HLF: variants seen among roughly 807,000 people sequenced by gnomAD.
HLF encodes the protein HLF transcription factor, PAR bZIP family member.
A neutral mutation model predicts 22.6 loss-of-function variants in HLF; 3 were observed. The observed-to-expected ratio is 0.13, with a 90% CI of 0.06 to 0.34. HLF has a LOEUF of 0.34. Ranked by LOEUF, HLF falls within the 10% of genes least tolerant of loss-of-function variation. The pLI, the probability that HLF is intolerant of heterozygous loss-of-function variation, is 1.00. For missense variants in HLF, 299 were observed against 389.2 expected, an observed-to-expected ratio of 0.77 and a Z score of 1.95; for synonymous variants, 151 against 151.8, an observed-to-expected ratio of 0.99 and a Z score of 0.04.
At chr17:55,301,031 CT>C (rs771751423) in intron 2 of HLF, among the ~76,000 whole-genome samples, 72 of 152,384 alleles carry the variant, frequency 4.7e-4, no homozygotes, top group Non-Finnish European at 6.3e-4. Context: ...TTTGTTCCCT[CT>C]GCCTTGGTTA....
intron 2 of HLF, among the ~76,000 whole-genome samples, chr17:55,284,774 C>T (rs1213924938): frequency 6.6e-6 from 1 of 152,178 alleles, no homozygotes; most frequent in Non-Finnish European, 1.5e-5. Flanking sequence ...CTTTCAGCTC[C>T]TGCCCCCAAC....
intron 2 of HLF, among the ~76,000 whole-genome samples, chr17:55,274,745 C>G (rs927059048): frequency 2.0e-5 from 3 of 152,230 alleles, no homozygotes; most frequent in Non-Finnish European, 4.4e-5. Context: ...CCTCATAGGA[C>G]TGTTGAAGGT....
At chr17:55,267,656 A>G (rs2080805986) in intron 1 of HLF, 95 bp from the exon 2 acceptor site, 1 of 839,940 alleles carries the variant, frequency 1.2e-6, no homozygotes, top group Non-Finnish European at 1.8e-6. Flanking sequence ...TTCGTGAGAA[A>G]TAGTCTTATA....
chr17:55,315,600 T>A (rs983553333), intron 3 of HLF, among the ~76,000 whole-genome samples, 153 bp downstream of exon 3: 1 of 152,234 alleles, frequency 6.6e-6, no homozygotes, highest in African/African-American at 2.4e-5. Context: ...CTAGGCCAGT[T>A]GTTTCCTCTC....
At chr17:55,296,330 T>C (rs1184554925) in intron 2 of HLF, among the ~76,000 whole-genome samples, 1 of 152,218 alleles carries the variant, frequency 6.6e-6, no homozygotes, top group Non-Finnish European at 1.5e-5. Context: ...AATATACGAT[T>C]GTTGTAAAAT....
intron 2 of HLF, among the ~76,000 whole-genome samples, chr17:55,299,360 T>C (rs2081136817): frequency 6.6e-6 from 1 of 152,224 alleles, no homozygotes; most frequent in Non-Finnish European, 1.5e-5. Context: ...CTGTTGAGGC[T>C]ATCTCTACGG....
At chr17:55,267,523 A>T (rs567208963) in intron 1 of HLF, 1 of 483,630 alleles carries the variant, frequency 2.1e-6, no homozygotes, top group Admixed American at 3.8e-5. Context: ...CCCTGCCCCA[A>T]GGACTAGTGC....
intron 2 of HLF, among the ~76,000 whole-genome samples, chr17:55,279,213 A>T (rs1394958800): frequency 6.6e-6 from 1 of 152,236 alleles, no homozygotes; most frequent in African/African-American, 2.4e-5. Flanking sequence ...ACCCAAACAT[A>T]GTAGGCCAGA....
At chr17:55,312,070 G>T (rs1439545603) in intron 2 of HLF, among the ~76,000 whole-genome samples, 3 of 152,242 alleles carry the variant, frequency 2.0e-5, no homozygotes, top group Non-Finnish European at 4.4e-5. Context: ...ACCCACTAGA[G>T]ATGGCACCTA....
chr17:55,313,304 G>A (rs377342459), intron 2 of HLF, among the ~76,000 whole-genome samples: 1 of 152,062 alleles, frequency 6.6e-6, no homozygotes, highest in African/African-American at 2.4e-5. Flanking sequence ...GTCAGGTGGG[G>A]ATAAATGAAT....
At chr17:55,315,515 TGACCC>T in intron 3 of HLF, 68 bp downstream of exon 3, 2 of 1,184,018 alleles carry the variant, frequency 1.7e-6, no homozygotes, top group Non-Finnish European at 2.5e-6. Flanking sequence ...ATTAAAAGGG[TGACCC>T]CAGGATGATC....
intron 3 of HLF, among the ~76,000 whole-genome samples, chr17:55,318,647 C>T (rs921148993): frequency 1.3e-5 from 2 of 152,142 alleles, no homozygotes; most frequent in African/African-American, 4.8e-5. Flanking sequence ...CCCTTCGCCT[C>T]CTGGGCTCCT....
At chr17:55,286,444 G>A (rs2081004890) in intron 2 of HLF, among the ~76,000 whole-genome samples, 1 of 152,070 alleles carries the variant, frequency 6.6e-6, no homozygotes, top group South Asian at 2.1e-4. Context: ...AGAAAGAGGT[G>A]GTATAATTCA....
At chr17:55,285,527 C>G (rs1436153700) in intron 2 of HLF, among the ~76,000 whole-genome samples, 1 of 152,206 alleles carries the variant, frequency 6.6e-6, no homozygotes, top group Admixed American at 6.5e-5. Flanking sequence ...CCCTTTTCAG[C>G]CAGGGCCATG....
At chr17:55,280,763 C>T (rs2080946807) in intron 2 of HLF, among the ~76,000 whole-genome samples, 1 of 152,156 alleles carries the variant, frequency 6.6e-6, no homozygotes, top group Admixed American at 6.5e-5. Context: ...CTCTCAAATA[C>T]ATAATTCTTA....
intron 3 of HLF, among the ~76,000 whole-genome samples, chr17:55,317,242 C>A (rs1257751526): frequency 6.6e-6 from 1 of 152,180 alleles, no homozygotes; most frequent in Non-Finnish European, 1.5e-5. Flanking sequence ...GCTGGGATTA[C>A]AGGTGTAAGC....
At chr17:55,287,388 C>T (rs1189803596) in intron 2 of HLF, among the ~76,000 whole-genome samples, 2 of 152,030 alleles carry the variant, frequency 1.3e-5, no homozygotes, top group Non-Finnish European at 2.9e-5. Context: ...CTGCATTACT[C>T]ATGTGTAGAT....
chr17:55,280,927 A>G (rs1245450643), intron 2 of HLF, among the ~76,000 whole-genome samples: 2 of 152,250 alleles, frequency 1.3e-5, no homozygotes, highest in African/African-American at 4.8e-5. Context: ...GTTTTTACAC[A>G]AAGGGGACAA....
Position 55,320,724 on chromosome 17 carries a change from G to A in HLF, c.733G>A (p.Ala245Thr), listed in dbSNP as rs779590300. 3 of 1,614,074 alleles carry A rather than the reference G, an allele frequency of 1.9e-6. No homozygotes were observed. The highest frequency in any genetic ancestry group is 8.5e-7 in the Non-Finnish European group (1 of 1,180,032). Residue 245 changes from alanine (A) to threonine (T), a missense_variant, in exon 4 of 4, where the codon GCC (alanine) becomes ACC (threonine). Physicochemically the swap from Ala to Thr is moderately conservative, Grantham distance 58 (BLOSUM62 0). This residue lies in a region of HLF where 224 missense variants were observed against 298.1 expected (regional missense o/e 0.75). Transcript: ENST00000226067. This position sits in a 1 kb window ranked among gnomAD's most constrained non-coding sequence, Gnocchi z 4.2. ...CATGGCAGCCAAGCGCTCCCGCGAC[G>A]CCCGGAGGCTGAAAGAGAACCAGAT... ...NNMAAKRSRD[A>T]RRLKENQIAI...
Sources: allele counts gnomAD v4.1 joint callset (sites outside exome capture counted in the v4.1 genomes callset), GRCh38; gene constraint gnomAD v4.1.1; regional missense constraint gnomAD v4.1.1; non-coding constraint Gnocchi (gnomAD v3.1); transcripts MANE v1.5; gene names NCBI Gene and HGNC (gene_info 2026-07-23, HGNC 2026-07-21).